Variants in CCDC81 observed in about 807,000 individuals in gnomAD.
CCDC81 encodes coiled-coil domain containing 81, also known as coiled-coil domain-containing protein 81.
Under a neutral mutation model 83.7 loss-of-function variants are expected in CCDC81, and 79 were observed. The observed-to-expected ratio is 0.94, with a 90% CI of 0.79 to 1.14. The LOEUF is 1.14. Ranked by LOEUF, CCDC81 falls within the 50% of genes most tolerant of loss-of-function variation. The probability of loss-of-function intolerance (pLI) is 0.00; values close to 1 mark genes in which losing one functional copy is unlikely to be tolerated. For synonymous variants in CCDC81, 252 were observed against 278.1 expected, an observed-to-expected ratio of 0.91 and a Z score of 0.93; for missense variants, 791 against 778.1, an observed-to-expected ratio of 1.02 and a Z score of -0.20.
chr11:86,417,935 T>G (rs917336816), intron 13 of CCDC81, among the ~76,000 whole-genome samples: 2 of 152,054 alleles, frequency 1.3e-5, no homozygotes, highest in Non-Finnish European at 2.9e-5. Flanking sequence ...ATTTGAAATA[T>G]TACCAGAAAC....
intron 7 of CCDC81, among the ~76,000 whole-genome samples, chr11:86,403,500 A>AG (rs1555192279): frequency 6.6e-6 from 1 of 152,198 alleles, no homozygotes; most frequent in Non-Finnish European, 1.5e-5. Context: ...ATATTCTTTT[A>AG]GAAGAGTAAA....
chr11:86,386,144 AAATT>A (rs1948238757), intron 2 of CCDC81, 32 bp downstream of exon 2: 3 of 821,918 alleles, frequency 3.7e-6, no homozygotes, highest in Admixed American at 4.0e-5. Flanking sequence ...ATTTATTAAT[AAATT>A]AATTTATTAA....
rs1486714847 is a variant in CCDC81 at position 86,409,252 on chromosome 11, A to G, written c.1114-9A>G. 2.4e-6 allele frequency: 3 copies of G among 1,244,024 alleles called. No homozygotes were observed. The East Asian group carries it at 8.2e-5, about 34-fold the overall frequency. The allele number at this position is 1,244,024 out of a possible 1,614,324, so 77.1% of individuals were successfully genotyped here. On this transcript the variant is annotated splice_polypyrimidine_tract_variant and intron_variant, in intron 9 of 14. Coordinates refer to ENST00000445632, the MANE Select transcript of CCDC81 (RefSeq NM_001156474.2). ...TTAAAAATAAACTTTTTTTTTTTTT[A>G]AACAATAGATGAAAAGTCTGGCTAC...
At chr11:86,389,731 C>T (rs1264720444) in intron 3 of CCDC81, among the ~76,000 whole-genome samples, 1 of 152,212 alleles carries the variant, frequency 6.6e-6, no homozygotes, top group Non-Finnish European at 1.5e-5. Context: ...CAGACCATAT[C>T]AGTAACTAAT....
rs749526814 is a variant in CCDC81, at chr11:86,407,623, T to C, written c.891T>C (p.Tyr297=). Reference sequence around the variant, plus strand: ...TGCATTGTTTTTATAGCTTATCATATCCAAGTTGTCTGAAACACGACAGTG... The same window carrying C: ...TGCATTGTTTTTATAGCTTATCATACCCAAGTTGTCTGAAACACGACAGTG... ...GKIMTPESLS[Y]PSCLKHDSEM... is the part of the protein sequence containing the mutation. The change falls in exon 8 of 15, where the codon TAT becomes TAC. Residue 297 remains tyrosine, a synonymous_variant. Transcript: ENST00000445632. 1.9e-5 allele frequency: 31 copies of C among 1,611,316 alleles called. No individual in the cohort carries two copies. Among genetic ancestry groups the C allele is most frequent in the Non-Finnish European group, 2.6e-5 (31 of 1,177,930 alleles).
chr11:86,404,766 C>T (rs1948541824), intron 7 of CCDC81, among the ~76,000 whole-genome samples: 1 of 152,156 alleles, frequency 6.6e-6, no homozygotes, highest in Admixed American at 6.5e-5. Context: ...CAGAGTCGAG[C>T]ATTTGCATTT....
At chr11:86,396,618 C>T (rs1158372316) in intron 5 of CCDC81, among the ~76,000 whole-genome samples, 1 of 152,124 alleles carries the variant, frequency 6.6e-6, no homozygotes, top group Non-Finnish European at 1.5e-5. Context: ...ACACATACCT[C>T]AGAAGATTCA....
At chr11:86,414,041 T>C (rs1464835826) in intron 11 of CCDC81, among the ~76,000 whole-genome samples, 1 of 152,252 alleles carries the variant, frequency 6.6e-6, no homozygotes, top group Non-Finnish European at 1.5e-5. Context: ...AAAGATCATA[T>C]ATGGGTTCTT....
At chr11:86,407,856 A>G (rs1364996534) in intron 8 of CCDC81, among the ~76,000 whole-genome samples, 155 bp downstream of exon 8, 1 of 152,194 alleles carries the variant, frequency 6.6e-6, no homozygotes, top group Non-Finnish European at 1.5e-5. Flanking sequence ...AAATCTATCT[A>G]CTAGTCAAGA....
At chr11:86,376,823 A>G (rs1334979277) in intron 1 of CCDC81, among the ~76,000 whole-genome samples, 1 of 152,232 alleles carries the variant, frequency 6.6e-6, no homozygotes, top group Non-Finnish European at 1.5e-5. Context: ...CAAGTTTCAT[A>G]GTTTACATTA....
chr11:86,407,223 T>A (rs1248378007), intron 7 of CCDC81, among the ~76,000 whole-genome samples: 1 of 152,234 alleles, frequency 6.6e-6, no homozygotes, highest in Non-Finnish European at 1.5e-5. Context: ...GAATGTTAAT[T>A]CCATGAGGGC....
intron 5 of CCDC81, among the ~76,000 whole-genome samples, chr11:86,395,854 C>T (rs1948401378): frequency 6.6e-6 from 1 of 152,208 alleles, no homozygotes; most frequent in Non-Finnish European, 1.5e-5. Flanking sequence ...AACTCCTGGT[C>T]TCAAGTGATC....
intron 1 of CCDC81, among the ~76,000 whole-genome samples, chr11:86,380,607 C>T (rs1179790292): frequency 6.6e-6 from 1 of 151,952 alleles, no homozygotes; most frequent in Admixed American, 6.6e-5. Context: ...CCTCACAATC[C>T]TTGGATATTC....
intron 6 of CCDC81, 63 bp from the exon 7 acceptor site, chr11:86,400,615 C>G: frequency 1.3e-6 from 2 of 1,498,920 alleles, no homozygotes; most frequent in South Asian, 2.6e-5. Context: ...TTGGTAAAAA[C>G]TACACAGTTA....
At chr11:86,420,576 C>T (rs1045297887) in intron 14 of CCDC81, among the ~76,000 whole-genome samples, 1 of 151,832 alleles carries the variant, frequency 6.6e-6, no homozygotes, top group South Asian at 2.1e-4. Flanking sequence ...AATTAAAATA[C>T]GAATGTAAGG....
At chr11:86,406,049 C>T (rs61294211) in intron 7 of CCDC81, among the ~76,000 whole-genome samples, 12,300 of 152,196 alleles carry the variant, frequency 0.081, 668 homozygotes, top group East Asian at 0.26. Context: ...AGGTGTGGGC[C>T]GCCATGCCTG....
At chr11:86,419,630 T>A (rs1948762453) in intron 13 of CCDC81, 1 of 206,914 alleles carries the variant, frequency 4.8e-6, no homozygotes, top group Non-Finnish European at 9.5e-6. Flanking sequence ...ATTCTTCAGA[T>A]AAGTTAAATT....
chr11:86,421,234 C>T (rs1948784561), intron 14 of CCDC81, among the ~76,000 whole-genome samples: 1 of 152,160 alleles, frequency 6.6e-6, no homozygotes, highest in Admixed American at 6.5e-5. Flanking sequence ...ATACTCTGTT[C>T]CATTACCAAG....
At chr11:86,376,965 A>G (rs1948106608) in intron 1 of CCDC81, among the ~76,000 whole-genome samples, 1 of 152,184 alleles carries the variant, frequency 6.6e-6, no homozygotes, top group African/African-American at 2.4e-5. Context: ...TAATCCCAAA[A>G]TCTGGAAACC....
Sources: allele counts gnomAD v4.1 joint callset (sites outside exome capture counted in the v4.1 genomes callset), GRCh38; gene constraint gnomAD v4.1.1; transcripts MANE v1.5; gene names NCBI Gene and HGNC (gene_info 2026-07-23, HGNC 2026-07-21).